Variants in ATP6V0A4 observed in about 807,000 individuals in gnomAD.
The protein encoded by ATP6V0A4 is V-type proton ATPase 116 kDa subunit a 4.
ATP6V0A4 carries 86 observed loss-of-function variants against 107.3 expected under a neutral mutation model. The observed-to-expected ratio is 0.80, with a 90% CI of 0.67 to 0.96. The LOEUF (loss-of-function observed/expected upper bound fraction) is 0.96. Ranked by LOEUF, ATP6V0A4 falls within the 40% of genes least tolerant of loss-of-function variation. ATP6V0A4 has a pLI of 0.00. For synonymous variants in ATP6V0A4, 353 were observed against 381.4 expected (o/e 0.93, Z 0.87); for missense variants, 908 against 1,045.6 (o/e 0.87, Z 1.81).
At chr7:138,739,765 T>C (rs2117257388) in intron 14 of ATP6V0A4, 132 bp from the exon 15 acceptor site, 1 of 1,441,224 alleles carries the variant, frequency 6.9e-7, no homozygotes. Flanking sequence ...GTTGGTTCAA[T>C]ATCTACTACA....
chr7:138,772,016 T>C (rs570424907), intron 2 of ATP6V0A4, among the ~76,000 whole-genome samples: 1 of 152,316 alleles, frequency 6.6e-6, no homozygotes, highest in East Asian at 1.9e-4. Flanking sequence ...TAGAACTCAG[T>C]TGTGGGTATC....
intron 2 of ATP6V0A4, among the ~76,000 whole-genome samples, chr7:138,784,691 TC>T (rs1243525102): frequency 6.6e-6 from 1 of 152,160 alleles, no homozygotes; most frequent in Admixed American, 6.5e-5. Flanking sequence ...AATTCAGCAT[TC>T]GGTCTTGAGA....
At chr7:138,749,404 C>A (rs533539544) in intron 11 of ATP6V0A4, 87 bp from the exon 12 acceptor site, 5 of 1,508,414 alleles carry the variant, frequency 3.3e-6, no homozygotes, top group Non-Finnish European at 3.6e-6. Flanking sequence ...CCAGCTCCTG[C>A]CGTCCCTCAC....
intron 18 of ATP6V0A4, among the ~76,000 whole-genome samples, chr7:138,724,367 T>C (rs1279203104): frequency 6.6e-6 from 1 of 152,164 alleles, no homozygotes; most frequent in African/African-American, 2.4e-5. Flanking sequence ...TCCTATATCA[T>C]GAGGGCCTTG....
At chr7:138,745,962 A>AAAAAATATATATATATATATATAT (rs1554396065) in intron 13 of ATP6V0A4, among the ~76,000 whole-genome samples, 1 of 65,682 alleles carries the variant, frequency 1.5e-5, no homozygotes, top group African/African-American at 6.7e-5. Flanking sequence ...AAAAAAAAAA[A>AAAAAATATATATATATATATATAT]ATATATATAT....
At chr7:138,736,863 G>A (rs900701084) in intron 15 of ATP6V0A4, among the ~76,000 whole-genome samples, 12 of 151,864 alleles carry the variant, frequency 7.9e-5, no homozygotes, top group Non-Finnish European at 4.4e-5. Context: ...GAGCCATCGC[G>A]CCCGGCCTAG....
intron 20 of ATP6V0A4, among the ~76,000 whole-genome samples, chr7:138,713,280 GAAAAAAAA>G (rs10673617): frequency 8.3e-6 from 1 of 120,748 alleles, no homozygotes; most frequent in Non-Finnish European, 1.7e-5. Context: ...ACTCCAGCCT[GAAAAAAAA>G]AAAAAAAAAA....
At chr7:138,768,755 G>C in intron 5 of ATP6V0A4, 25 bp downstream of exon 5, 1 of 1,613,484 alleles carries the variant, frequency 6.2e-7, no homozygotes, top group Non-Finnish European at 8.5e-7. Context: ...CTTACCTGGG[G>C]AGGCCAGCAA....
Position 138,794,363 on chromosome 7 carries a change from G to T in ATP6V0A4, c.-121+3671C>A, listed in dbSNP as rs1275761190. 3.3e-5 allele frequency among the ~76,000 whole-genome samples: 5 copies of T among 152,156 alleles called. No homozygotes were observed. The South Asian group carries it at 6.2e-4, about 19-fold the overall frequency. On this transcript the variant is annotated intron_variant, in intron 1 of 21. Coordinates refer to ENST00000310018, the MANE Select transcript of ATP6V0A4 (RefSeq NM_020632.3). The stretch of plus-strand genomic sequence containing the variant: ...CCCGAGATGGACAGGTGGCAACGGG[G>T]CCTATCAGAATCACAAGAGAAGCTT...
intron 18 of ATP6V0A4, among the ~76,000 whole-genome samples, chr7:138,726,147 G>A (rs1345138155): frequency 7.2e-5 from 11 of 152,048 alleles, no homozygotes; most frequent in Admixed American, 5.2e-4. Context: ...CCGCCACCAC[G>A]CCCGGCTAAT....
At chr7:138,728,657 T>C in intron 18 of ATP6V0A4, 104 bp downstream of exon 18, 2 of 1,514,040 alleles carry the variant, frequency 1.3e-6, no homozygotes, top group Non-Finnish European at 1.8e-6. Flanking sequence ...ACCATTCTTC[T>C]GGCCCTGGCA....
chr7:138,706,507 CT>C lies in ATP6V0A4; in HGVS notation c.*116del. 8.1e-7 allele frequency: 1 copy of C among 1,237,536 alleles called. No individual in the cohort carries two copies. The highest frequency in any genetic ancestry group is 1.2e-6 in the Non-Finnish European group (1 of 867,678). 76.7% of individuals were successfully genotyped at this position (1,237,536 alleles called of 1,614,324 possible). A position where few individuals can be genotyped will look rare whatever the true frequency, so the allele number is the denominator to read the frequency against. The stretch of plus-strand genomic sequence containing the variant: ...CGTCCAAATAATACACAGTTTCATG[CT>C]TCAGGTGAGCCAAGAACAACCTTCC... On this transcript the variant is annotated 3_prime_UTR_variant, in exon 22 of 22. Transcript: ENST00000310018.
intron 1 of ATP6V0A4, among the ~76,000 whole-genome samples, chr7:138,796,208 C>A (rs1808652672): frequency 6.6e-6 from 1 of 151,932 alleles, no homozygotes; most frequent in Admixed American, 6.6e-5. Flanking sequence ...TCTTTCTCAC[C>A]CCCAGGTCCC....
At chr7:138,781,725 G>A (rs2130188374) in intron 2 of ATP6V0A4, among the ~76,000 whole-genome samples, 1 of 152,140 alleles carries the variant, frequency 6.6e-6, no homozygotes, top group African/African-American at 2.4e-5. Flanking sequence ...TTTTTCTTAT[G>A]GCATTAGTTA....
intron 14 of ATP6V0A4, among the ~76,000 whole-genome samples, chr7:138,740,592 G>A (rs1464515290): frequency 6.7e-6 from 1 of 148,710 alleles, no homozygotes; most frequent in Non-Finnish European, 1.5e-5. Context: ...CAGGCATGTG[G>A]CACCATGCCC....
intron 1 of ATP6V0A4, among the ~76,000 whole-genome samples, chr7:138,792,709 C>T (rs537564919): frequency 1.2e-3 from 177 of 151,848 alleles, no homozygotes; most frequent in African/African-American, 4.2e-3. Context: ...AGCAATCCTC[C>T]TATCTCAGCC....
intron 5 of ATP6V0A4, among the ~76,000 whole-genome samples, chr7:138,767,729 C>T (rs1807167303): frequency 6.6e-6 from 1 of 151,824 alleles, no homozygotes; most frequent in African/African-American, 2.4e-5. Context: ...TGAGCTGTTC[C>T]ACTGCCGAGG....
intron 5 of ATP6V0A4, 31 bp downstream of exon 5, chr7:138,768,749 C>T (rs1306235593): frequency 1.2e-6 from 2 of 1,612,620 alleles, no homozygotes; most frequent in African/African-American, 2.7e-5. Context: ...ACTGTCCTTA[C>T]CTGGGGAGGC....
At chr7:138,712,084 C>T (rs140351793) in intron 20 of ATP6V0A4, among the ~76,000 whole-genome samples, 2,990 of 152,274 alleles carry the variant, frequency 0.02, 112 homozygotes, top group African/African-American at 0.068. Context: ...AGGCGTGTGC[C>T]ACCACACCCA....
Sources: gnomAD v4.1 joint callset for allele counts (sites outside exome capture counted in the v4.1 genomes callset) on GRCh38, gnomAD v4.1.1 for gene constraint, MANE v1.5 for transcripts, NCBI Gene and HGNC (gene_info 2026-07-23, HGNC 2026-07-21) for gene names.